Variants in FAR2 observed in about 807,000 individuals in gnomAD.
FAR2 encodes the protein fatty acyl-CoA reductase 2.
In FAR2, 19 loss-of-function variants were observed where a neutral mutation model predicts 56.0. That is an observed-to-expected ratio of 0.34 (90% CI 0.24 to 0.50). The LOEUF (loss-of-function observed/expected upper bound fraction) is 0.50, where lower values mean the gene tolerates loss of function less well. Among genes scored for constraint, FAR2 ranks in the 20% least tolerant of loss-of-function variants. The pLI, the probability that FAR2 is intolerant of heterozygous loss-of-function variation, is 0.98. For synonymous variants in FAR2, 219 were observed against 218.8 expected (o/e 1.00, Z -0.01); for missense variants, 508 against 642.2 (o/e 0.79, Z 2.26).
intron 2 of FAR2, among the ~76,000 whole-genome samples, chr12:29,284,415 G>T (rs949189772): frequency 6.6e-6 from 1 of 152,096 alleles, no homozygotes; most frequent in African/African-American, 2.4e-5. Context: ...CCAGTAAGTG[G>T]GTTTATAAAC....
chr12:29,189,687 T>C (rs529044904), intron 1 of FAR2, among the ~76,000 whole-genome samples: 26 of 152,254 alleles, frequency 1.7e-4, no homozygotes, highest in Non-Finnish European at 3.5e-4. Context: ...TGTATCTACA[T>C]TAAACTAAAC....
chr12:29,174,032 T>C (rs1949912519), intron 1 of FAR2, among the ~76,000 whole-genome samples: 1 of 152,064 alleles, frequency 6.6e-6, no homozygotes, highest in Non-Finnish European at 1.5e-5. Flanking sequence ...CTCCTGTTAG[T>C]ATTGGGACTT....
In FAR2 at chr12:29,283,637, C is replaced by A. The variant is rs935356011; in HGVS notation, c.190-9663C>A. Among the ~76,000 whole-genome samples the A allele has an allele frequency of 3.3e-5, 5 of 152,200 alleles. No homozygotes were observed. The East Asian group carries it at 5.8e-4, about 18-fold the overall frequency. On this transcript the variant is annotated intron_variant, in intron 2 of 11. Transcript: ENST00000536681. ...TATTAGAAATATGATTCTAAGTATT[C>A]AACATTGCTTTTTAAAAAATTATCA...
At chr12:29,209,827 CA>C (rs1947523151) in intron 1 of FAR2, among the ~76,000 whole-genome samples, 1 of 152,114 alleles carries the variant, frequency 6.6e-6, no homozygotes, top group Non-Finnish European at 1.5e-5. Context: ...TACTCATTTA[CA>C]TACACTAATT....
At chr12:29,262,347 A>T (rs7302129) in intron 1 of FAR2, among the ~76,000 whole-genome samples, 47,246 of 152,030 alleles carry the variant, frequency 0.31, 7,704 homozygotes, top group Non-Finnish European at 0.37. Flanking sequence ...GCAAGAAATT[A>T]AGGCTTGGCG....
chr12:29,183,733 G>C (rs947675665), intron 1 of FAR2, among the ~76,000 whole-genome samples: 2 of 152,188 alleles, frequency 1.3e-5, no homozygotes, highest in African/African-American at 2.4e-5. Flanking sequence ...ATAAAATGGA[G>C]AAGTAGGACT....
At chr12:29,182,724 G>A (rs946634329) in intron 1 of FAR2, among the ~76,000 whole-genome samples, 1 of 152,176 alleles carries the variant, frequency 6.6e-6, no homozygotes, top group East Asian at 1.9e-4. Flanking sequence ...TGGGCCAAGA[G>A]TGGATGGATA....
intron 1 of FAR2, among the ~76,000 whole-genome samples, chr12:29,201,428 T>A (rs1470382553): frequency 6.6e-6 from 1 of 152,186 alleles, no homozygotes; most frequent in Non-Finnish European, 1.5e-5. Context: ...TGTCATCATT[T>A]TGGACAAGGA....
At chr12:29,255,951 CCT>C (rs1948310164) in intron 1 of FAR2, among the ~76,000 whole-genome samples, 1 of 152,136 alleles carries the variant, frequency 6.6e-6, no homozygotes, top group African/African-American at 2.4e-5. Context: ...CTCACTTCAA[CCT>C]CTGACTCCTG....
chr12:29,299,235 A>AAAAAAAAAAAAAG (rs1949120302), intron 4 of FAR2, among the ~76,000 whole-genome samples: 1 of 146,964 alleles, frequency 6.8e-6, no homozygotes, highest in African/African-American at 2.5e-5. Flanking sequence ...AAAAAAAAAA[A>AAAAAAAAAAAAAG]GAAAGAAAAA....
rs144024714 is a variant in FAR2, at chr12:29,323,209, C to T, written c.1257+1285C>T. ...GCAGTGAGGCTGGGGGAGGCACGCC[C>T]GCCATTGCTCAGGCCTGAGTAGGTA... On this transcript the variant is annotated intron_variant, in intron 10 of 11. Coordinates refer to ENST00000536681, the MANE Select transcript of FAR2 (RefSeq NM_001271783.2). 5.6e-4 allele frequency among the ~76,000 whole-genome samples: 86 copies of T among 152,338 alleles called. 1 individual carries two copies. The highest frequency in any genetic ancestry group is 2.5e-3 in the East Asian group (13 of 5,180).
chr12:29,291,517 G>C (rs1948967302), intron 2 of FAR2: 1 of 445,820 alleles, frequency 2.2e-6, no homozygotes, highest in Non-Finnish European at 4.5e-6. Context: ...ACTCTAAATG[G>C]AGAAATTCTC....
Position 29,293,428 on chromosome 12 carries a change from C to T in FAR2, c.318C>T (p.Asn106=), listed in dbSNP as rs1381737688. The T allele has an allele frequency of 1.2e-6, 2 of 1,606,116 alleles. No individual in the cohort carries two copies. The highest frequency in any genetic ancestry group is 1.7e-6 in the Non-Finnish European group (2 of 1,177,284). The change falls in exon 3 of 12, where the codon AAC becomes AAT. Residue 106 remains asparagine, a synonymous_variant. Coordinates refer to ENST00000536681, the MANE Select transcript of FAR2 (RefSeq NM_001271783.2). ...EDMQELLSCT[N]IIFHCAATVR... ...TGCAGGAGCTTCTCTCCTGTACAAACATAATATTTCACTGTGCAGCCACTG... is the reference window on the plus strand; with the variant it reads ...TGCAGGAGCTTCTCTCCTGTACAAATATAATATTTCACTGTGCAGCCACTG...
chr12:29,217,019 A>G (rs556469515), intron 1 of FAR2, among the ~76,000 whole-genome samples: 5 of 152,198 alleles, frequency 3.3e-5, no homozygotes. Flanking sequence ...CTAAAAGAAA[A>G]TGACACATTT....
At chr12:29,210,007 G>T (rs1233183382) in intron 1 of FAR2, among the ~76,000 whole-genome samples, 1 of 152,078 alleles carries the variant, frequency 6.6e-6, no homozygotes, top group Non-Finnish European at 1.5e-5. Flanking sequence ...AGGAGTTCAA[G>T]ACCAGCCTGG....
chr12:29,172,916 C>T (rs1949902480), intron 1 of FAR2, among the ~76,000 whole-genome samples: 2 of 152,174 alleles, frequency 1.3e-5, no homozygotes, highest in Admixed American at 1.3e-4. Flanking sequence ...AGTGGGGCTC[C>T]ATACTGGGGA....
At chr12:29,191,289 C>G (rs1950101130) in intron 1 of FAR2, among the ~76,000 whole-genome samples, 1 of 152,244 alleles carries the variant, frequency 6.6e-6, no homozygotes, top group Non-Finnish European at 1.5e-5. Flanking sequence ...TACCCTGAGC[C>G]AGGCTCCTAC....
Position 29,297,217 on chromosome 12 carries a change from A to T in FAR2, c.545+17A>T. 6.2e-7 allele frequency: 1 copy of T among 1,605,930 alleles called. No homozygotes were observed. The highest frequency in any genetic ancestry group is 1.1e-5 in the South Asian group (1 of 89,576). On this transcript the variant is annotated intron_variant, in intron 4 of 11. Transcript: ENST00000536681. Reference sequence around the variant, plus strand: ...TTCCCTTGAGTAAGTTGGTCTAATAAAAGGATCAAGGGGCGGGTAGAATAA... The same window carrying T: ...TTCCCTTGAGTAAGTTGGTCTAATATAAGGATCAAGGGGCGGGTAGAATAA...
At chr12:29,284,566 C>T (rs1219351931) in intron 2 of FAR2, among the ~76,000 whole-genome samples, 1 of 152,118 alleles carries the variant, frequency 6.6e-6, no homozygotes, top group Non-Finnish European at 1.5e-5. Context: ...ATAAATCACG[C>T]AGGGTTACAC....
Sources: gnomAD v4.1 joint callset for allele counts (sites outside exome capture counted in the v4.1 genomes callset) on GRCh38, gnomAD v4.1.1 for gene constraint, MANE v1.5 for transcripts, NCBI Gene and HGNC (gene_info 2026-07-23, HGNC 2026-07-21) for gene names.